ITGAV: variants seen among roughly 807,000 people sequenced by gnomAD.
ITGAV encodes the protein integrin subunit alpha V.
A neutral mutation model predicts 143.8 loss-of-function variants in ITGAV; 76 were observed. That is an observed-to-expected ratio of 0.53 (90% CI 0.44 to 0.64). The LOEUF (loss-of-function observed/expected upper bound fraction) is 0.64. Among genes scored for constraint, ITGAV ranks in the 30% least tolerant of loss-of-function variants. The pLI is 0.00. For missense variants in ITGAV, 1,193 were observed against 1,274.7 expected (o/e 0.94, Z 0.98); for synonymous variants, 453 against 446.7 (o/e 1.01, Z -0.18).
rs766997401 is a variant in ITGAV at position 186,649,937 on chromosome 2, G to GT, written c.1397+58dup. ...TAGGAATATTCTGAATTATTTGAAC[G>GT]TTTTTTAATTAAGTGTCAGTGTTTG... On this transcript the variant is annotated intron_variant, in intron 14 of 29. Transcript: ENST00000261023. 7 of 1,193,104 alleles carry GT rather than the reference G, an allele frequency of 5.9e-6. No homozygotes were observed. In the African/African-American group the frequency reaches 7.8e-5, roughly 13 times the overall value. 73.9% of individuals were successfully genotyped at this position (1,193,104 alleles called of 1,614,324 possible). A position where few individuals can be genotyped will look rare whatever the true frequency, so the allele number is the denominator to read the frequency against.
intron 2 of ITGAV, among the ~76,000 whole-genome samples, chr2:186,605,410 G>C (rs1162806853): frequency 4.6e-5 from 7 of 152,144 alleles, no homozygotes; most frequent in Non-Finnish European, 7.3e-5. Flanking sequence ...GAATTGCTCA[G>C]ATATTATCTT....
At chr2:186,657,520 C>G (rs1006698635) in intron 17 of ITGAV, among the ~76,000 whole-genome samples, 1 of 152,134 alleles carries the variant, frequency 6.6e-6, no homozygotes, top group Non-Finnish European at 1.5e-5. Flanking sequence ...TGGAAATTTA[C>G]TTGCAACCGT....
intron 12 of ITGAV, among the ~76,000 whole-genome samples, chr2:186,642,098 A>G (rs995666315): frequency 6.6e-6 from 1 of 152,222 alleles, no homozygotes; most frequent in African/African-American, 2.4e-5. Context: ...TTATGGTGGC[A>G]TATTAAAAGT....
At chr2:186,625,697 A>G (rs937075913) in intron 4 of ITGAV, 110 bp downstream of exon 4, 3 of 517,380 alleles carry the variant, frequency 5.8e-6, no homozygotes, top group African/African-American at 2.1e-5. Flanking sequence ...GAGATATTAA[A>G]AGATATAGAC....
chr2:186,646,354 G>A (rs1394261502), intron 12 of ITGAV, among the ~76,000 whole-genome samples: 1 of 152,064 alleles, frequency 6.6e-6, no homozygotes, highest in Non-Finnish European at 1.5e-5. Flanking sequence ...AGCATTTGTG[G>A]TCCAGAAAGT....
intron 14 of ITGAV, among the ~76,000 whole-genome samples, chr2:186,650,549 G>A (rs549117012): frequency 6.6e-5 from 10 of 150,870 alleles, no homozygotes; most frequent in South Asian, 6.3e-4. Flanking sequence ...GTCAATCTAC[G>A]GTGTTATTGA....
chr2:186,631,035 G>A (rs935297465), intron 5 of ITGAV, among the ~76,000 whole-genome samples, 177 bp downstream of exon 5: 2 of 152,000 alleles, frequency 1.3e-5, no homozygotes, highest in African/African-American at 4.8e-5. Context: ...TCCCTCCCTA[G>A]TAAACATTGC....
chr2:186,640,889 CA>C (rs1688083528), intron 10 of ITGAV, 25 bp from the exon 11 acceptor site: 2 of 1,545,852 alleles, frequency 1.3e-6, no homozygotes, highest in Non-Finnish European at 1.8e-6. Flanking sequence ...GAAATATAAA[CA>C]TTTCATTTTC....
chr2:186,680,707 A>C lies in ITGAV; in HGVS notation c.*3415A>C, dbSNP rs558262643. On this transcript the variant is annotated 3_prime_UTR_variant, in exon 30 of 30. Transcript: ENST00000261023. ...AACTTGGAAGCTGTGTAGTATATCA[A>C]ATTAATTTGCTACCTAATAACATAG... is the stretch of plus-strand genomic sequence containing the variant. 1.3e-5 allele frequency: 2 copies of C among 152,630 alleles called. No individual in the cohort carries two copies. The highest frequency in any genetic ancestry group is 2.9e-5 in the Non-Finnish European group (2 of 68,014). 9.5% of individuals were successfully genotyped at this position (152,630 alleles called of 1,614,324 possible).
At chr2:186,659,015 A>G (rs201042953) in intron 17 of ITGAV, 23 bp from the exon 18 acceptor site, 3 of 1,595,014 alleles carry the variant, frequency 1.9e-6, no homozygotes, top group Non-Finnish European at 2.6e-6. Flanking sequence ...GTTATCATTA[A>G]TTCAAAGCGT....
chr2:186,603,907 C>T (rs1013474409), intron 2 of ITGAV, among the ~76,000 whole-genome samples: 16 of 150,956 alleles, frequency 1.1e-4, no homozygotes, highest in Admixed American at 6.6e-4. Flanking sequence ...CTCTGTCACT[C>T]GGGCTGGAGT....
chr2:186,663,535 C>T (rs968131760), intron 18 of ITGAV, among the ~76,000 whole-genome samples: 3 of 152,168 alleles, frequency 2.0e-5, no homozygotes, highest in Non-Finnish European at 4.4e-5. Flanking sequence ...GGAACTGTAT[C>T]ATATCCTATG....
In ITGAV at chr2:186,678,620, G is replaced by A. The variant is rs909558531; in HGVS notation, c.*1328G>A. On this transcript the variant is annotated 3_prime_UTR_variant, in exon 30 of 30. Transcript: ENST00000261023. ...TAGGATTATTAATAAAAGCCACATA[G>A]GTGGCAAGTTGTAGTTTTATATGGC... 3.5e-5 allele frequency: 13 copies of A among 370,352 alleles called. No homozygotes were observed. Among genetic ancestry groups the A allele is most frequent in the Non-Finnish European group, 5.3e-5 (10 of 190,198 alleles). The allele number at this position is 370,352 out of a possible 1,614,324, so 22.9% of individuals were successfully genotyped here.
intron 10 of ITGAV, among the ~76,000 whole-genome samples, chr2:186,639,430 G>A (rs1688042052): frequency 6.6e-6 from 1 of 152,090 alleles, no homozygotes; most frequent in Non-Finnish European, 1.5e-5. Context: ...AACCTGGAGG[G>A]CCCTGCAGTT....
At chr2:186,637,434 T>C (rs1381238158) in intron 8 of ITGAV, among the ~76,000 whole-genome samples, 1 of 148,572 alleles carries the variant, frequency 6.7e-6, no homozygotes, top group Admixed American at 6.8e-5. Context: ...TGAGTTGTGA[T>C]TGCGCCACTG....
At chr2:186,622,831 C>T (rs919149921) in intron 3 of ITGAV, among the ~76,000 whole-genome samples, 3 of 152,080 alleles carry the variant, frequency 2.0e-5, no homozygotes, top group African/African-American at 4.8e-5. Flanking sequence ...GGTGCGATCT[C>T]GGCTGACTGC....
At chr2:186,594,507 G>A (rs1686695208) in intron 1 of ITGAV, among the ~76,000 whole-genome samples, 1 of 152,126 alleles carries the variant, frequency 6.6e-6, no homozygotes, top group East Asian at 1.9e-4. Flanking sequence ...CATAGTCAGT[G>A]GCACTCAGGT....
chr2:186,598,232 G>A (rs1033582517), intron 1 of ITGAV, among the ~76,000 whole-genome samples: 3 of 151,206 alleles, frequency 2.0e-5, no homozygotes, highest in Non-Finnish European at 4.4e-5. Flanking sequence ...TGATTTTGGG[G>A]TCAAATTTTA....
intron 18 of ITGAV, among the ~76,000 whole-genome samples, chr2:186,660,746 A>G (rs1474999913): frequency 2.0e-5 from 3 of 152,230 alleles, no homozygotes; most frequent in Non-Finnish European, 4.4e-5. Context: ...GTACCACAGA[A>G]TGGGTGGCTT....
Sources: allele counts gnomAD v4.1 joint callset (sites outside exome capture counted in the v4.1 genomes callset), GRCh38; gene constraint gnomAD v4.1.1; transcripts MANE v1.5; gene names NCBI Gene and HGNC (gene_info 2026-07-23, HGNC 2026-07-21).